Variants in CADM2 observed in about 807,000 individuals in gnomAD.
CADM2 encodes the protein cell adhesion molecule 2, also known as immunoglobulin superfamily member 4D.
In CADM2, 12 loss-of-function variants were observed where a neutral mutation model predicts 49.8. That is an observed-to-expected ratio of 0.24 (90% CI 0.15 to 0.39). CADM2 has a LOEUF of 0.39. Among genes scored for constraint, CADM2 ranks in the 10% least tolerant of loss-of-function variants. CADM2 has a pLI of 1.00. For synonymous variants in CADM2, 214 were observed against 175.4 expected, an observed-to-expected ratio of 1.22 and a Z score of -1.74; for missense variants, 378 against 492.3, an observed-to-expected ratio of 0.77 and a Z score of 2.20.
At chr3:85,904,767 G>A (rs996534454) in intron 5 of CADM2, among the ~76,000 whole-genome samples, 11 of 151,958 alleles carry the variant, frequency 7.2e-5, no homozygotes, top group African/African-American at 1.2e-4. Context: ...ATATTGACTC[G>A]TAAATTATTC....
chr3:85,277,550 C>A (rs1002851124), intron 1 of CADM2, among the ~76,000 whole-genome samples: 1 of 151,370 alleles, frequency 6.6e-6, no homozygotes, highest in African/African-American at 2.4e-5. Flanking sequence ...TTTGCATCAT[C>A]CTGAAACTTT....
intron 1 of CADM2, among the ~76,000 whole-genome samples, chr3:85,308,310 TAC>T (rs10662960): frequency 0.01 from 1,432 of 142,756 alleles, 7 homozygotes; most frequent in South Asian, 0.021. Flanking sequence ...TCTACCTCTC[TAC>T]ACACACACAC....
chr3:85,100,658 A>G (rs1220879586), intron 1 of CADM2, among the ~76,000 whole-genome samples: 1 of 152,200 alleles, frequency 6.6e-6, no homozygotes, highest in Non-Finnish European at 1.5e-5. Context: ...TTGTAACTTT[A>G]TATTCTAAAA....
intron 1 of CADM2, among the ~76,000 whole-genome samples, chr3:85,138,413 G>T (rs1323322518): frequency 2.0e-5 from 3 of 152,066 alleles, no homozygotes; most frequent in Non-Finnish European, 4.4e-5. Flanking sequence ...GATATTAGTA[G>T]ATTGCACTTT....
At chr3:85,693,398 G>T (rs1448440083) in intron 1 of CADM2, among the ~76,000 whole-genome samples, 2 of 150,246 alleles carry the variant, frequency 1.3e-5, no homozygotes, top group African/African-American at 4.9e-5. Context: ...GGCTAACAGG[G>T]TGAAACCCCG....
intron 1 of CADM2, among the ~76,000 whole-genome samples, chr3:85,424,896 A>G (rs2036330645): frequency 6.6e-6 from 1 of 152,156 alleles, no homozygotes; most frequent in South Asian, 2.1e-4. Flanking sequence ...ATTTGCCTGT[A>G]TATACTAGCC....
intron 1 of CADM2, among the ~76,000 whole-genome samples, chr3:85,601,147 T>C (rs866708014): frequency 2.5e-5 from 3 of 117,722 alleles, no homozygotes; most frequent in South Asian, 5.7e-4. Context: ...TATATATATA[T>C]ATATATATAT....
chr3:85,388,816 A>G (rs904957205), intron 1 of CADM2, among the ~76,000 whole-genome samples: 2 of 152,086 alleles, frequency 1.3e-5, no homozygotes, highest in African/African-American at 2.4e-5. Context: ...ATATTCATCC[A>G]TCTGGTTTAT....
intron 8 of CADM2, chr3:86,012,557 G>C (rs1731662831): frequency 7.3e-6 from 11 of 1,504,964 alleles, no homozygotes; most frequent in African/African-American, 1.4e-5. Flanking sequence ...GCGGGCGGGC[G>C]AAGATGCCGA....
At chr3:85,968,593 A>C (rs1271619432) in intron 8 of CADM2, among the ~76,000 whole-genome samples, 1 of 151,570 alleles carries the variant, frequency 6.6e-6, no homozygotes, top group Non-Finnish European at 1.5e-5. Context: ...TTAAAAAAAT[A>C]TTTTCTCAAC....
chr3:84,967,076 C>T (rs1305426821), intron 1 of CADM2, among the ~76,000 whole-genome samples: 1 of 152,002 alleles, frequency 6.6e-6, no homozygotes, highest in Non-Finnish European at 1.5e-5. Flanking sequence ...AGTAAGGATA[C>T]ATTGCTTATC....
chr3:85,342,452 T>C (rs1449844298), intron 1 of CADM2, among the ~76,000 whole-genome samples: 1 of 152,058 alleles, frequency 6.6e-6, no homozygotes, highest in Non-Finnish European at 1.5e-5. Flanking sequence ...ATTTATTATT[T>C]AATAATAATT....
At chr3:85,366,549 G>A (rs1306367880) in intron 1 of CADM2, among the ~76,000 whole-genome samples, 1 of 152,036 alleles carries the variant, frequency 6.6e-6, no homozygotes, top group African/African-American at 2.4e-5. Flanking sequence ...GATTTTTAAG[G>A]CTTTTATCAG....
intron 1 of CADM2, among the ~76,000 whole-genome samples, chr3:85,432,320 C>G (rs2036718371): frequency 6.6e-6 from 1 of 151,834 alleles, no homozygotes; most frequent in South Asian, 2.1e-4. Context: ...ATAGAGCAAG[C>G]AGAGGCCAGA....
chr3:85,693,365 G>A (rs2107686081), intron 1 of CADM2, among the ~76,000 whole-genome samples: 1 of 150,854 alleles, frequency 6.6e-6, no homozygotes, highest in South Asian at 2.1e-4. Context: ...CAGATCAGGA[G>A]GTCAGGAGAT....
At position 84,959,210 on chromosome 3, in the gene CADM2, C is replaced by T. The variant is rs908911935; in HGVS notation, c.-398C>T. 1.0e-5 allele frequency: 3 copies of T among 300,744 alleles called. No homozygotes were observed. Among genetic ancestry groups the T allele is most frequent in the Admixed American group, 1.0e-4 (2 of 19,066 alleles). 18.6% of individuals were successfully genotyped at this position (300,744 alleles called of 1,614,324 possible). ...CCCAGCCCTTCCCCTCCGTGACCTA[C>T]CCACTCCTTGCAGCCCTCGCCCGCA... is the stretch of plus-strand genomic sequence containing the variant. On this transcript the variant is annotated 5_prime_UTR_variant, in exon 1 of 10. Coordinates refer to ENST00000383699, the MANE Select transcript of CADM2 (RefSeq NM_001167675.2).
chr3:85,942,084 C>A (rs745512571), intron 7 of CADM2, among the ~76,000 whole-genome samples: 4 of 151,968 alleles, frequency 2.6e-5, no homozygotes, highest in Non-Finnish European at 4.4e-5. Flanking sequence ...GTATTAACAA[C>A]AATGATGATT....
chr3:85,441,067 A>G (rs1559841548), intron 1 of CADM2, among the ~76,000 whole-genome samples: 1 of 152,214 alleles, frequency 6.6e-6, no homozygotes, highest in African/African-American at 2.4e-5. Context: ...TAGATTTTTT[A>G]AATATACATA....
chr3:85,597,580 A>C (rs2063279772), intron 1 of CADM2, among the ~76,000 whole-genome samples: 1 of 152,108 alleles, frequency 6.6e-6, no homozygotes, highest in Admixed American at 6.6e-5. Context: ...TATAGGAGCT[A>C]GAAATCTGTG....
Sources: gnomAD v4.1 joint callset for allele counts (sites outside exome capture counted in the v4.1 genomes callset) on GRCh38, gnomAD v4.1.1 for gene constraint, MANE v1.5 for transcripts, NCBI Gene and HGNC (gene_info 2026-07-23, HGNC 2026-07-21) for gene names.